PPM1L: variants seen among roughly 807,000 people sequenced by gnomAD.
PPM1L encodes the protein protein phosphatase, Mg2+/Mn2+ dependent 1L.
In PPM1L, 13 loss-of-function variants were observed where a neutral mutation model predicts 31.4. The observed-to-expected ratio is 0.41, with a 90% confidence interval of 0.27 to 0.66. PPM1L has a LOEUF of 0.66. Ranked by LOEUF, PPM1L falls within the 30% of genes least tolerant of loss-of-function variation. PPM1L has a pLI of 0.29. For missense variants in PPM1L, 326 were observed against 453.7 expected (o/e 0.72, Z 2.56); for synonymous variants, 184 against 175.4 (o/e 1.05, Z -0.39).
In PPM1L at chr3:161,072,088, C is replaced by T. The variant is rs181920684; in HGVS notation, c.*2931C>T. 2 of 152,180 alleles carry T rather than the reference C, an allele frequency of 1.3e-5. No homozygotes were observed. Among genetic ancestry groups the T allele is most frequent in the Admixed American group, 1.3e-4 (2 of 15,278 alleles). The allele number at this position is 152,180 out of a possible 1,614,324, so 9.4% of individuals were successfully genotyped here. On this transcript the variant is annotated 3_prime_UTR_variant, in exon 4 of 4. Transcript: ENST00000498165. ...ATTAATGCAGTGCTCTGCTGCTGCT[C>T]CACTGGCAATTTGTACTCTTAACAT...
At chr3:160,934,335 A>G (rs936457051) in intron 1 of PPM1L, among the ~76,000 whole-genome samples, 2 of 152,270 alleles carry the variant, frequency 1.3e-5, no homozygotes, top group Admixed American at 1.3e-4. Context: ...TTAAGAGAAG[A>G]TTACACATTC....
chr3:160,830,945 A>G (rs1368717403), intron 1 of PPM1L, among the ~76,000 whole-genome samples: 2 of 152,198 alleles, frequency 1.3e-5, no homozygotes, highest in Non-Finnish European at 2.9e-5. Context: ...ACATTTTCTG[A>G]ATTCCATGCC....
At chr3:160,806,924 G>GAGAAGGAAAGAAAT (rs1712619322) in intron 1 of PPM1L, among the ~76,000 whole-genome samples, 1 of 127,106 alleles carries the variant, frequency 7.9e-6, no homozygotes, top group Non-Finnish European at 1.6e-5. Context: ...AGGAAAGAAA[G>GAGAAGGAAAGAAAT]AGAGGGAAAG....
intron 1 of PPM1L, among the ~76,000 whole-genome samples, chr3:160,780,139 C>T (rs6763629): frequency 1.4e-4 from 22 of 152,130 alleles, no homozygotes; most frequent in African/African-American, 5.1e-4. Context: ...CCTCCCACCT[C>T]AGCTTCCTGA....
intron 1 of PPM1L, among the ~76,000 whole-genome samples, chr3:160,841,407 T>G (rs1336376709): frequency 1.3e-5 from 2 of 151,796 alleles, no homozygotes; most frequent in Non-Finnish European, 2.9e-5. Flanking sequence ...TCATGTTACT[T>G]TCTTTGTTTC....
chr3:160,895,254 C>A (rs1006686971), intron 1 of PPM1L, among the ~76,000 whole-genome samples: 1 of 152,054 alleles, frequency 6.6e-6, no homozygotes, highest in Non-Finnish European at 1.5e-5. Flanking sequence ...ATTCTGTTAC[C>A]CAGGCTGGGG....
In PPM1L at chr3:160,905,329, A is replaced by G. The variant is rs535631428; in HGVS notation, c.400-56407A>G. Among the ~76,000 whole-genome samples, 3 of 152,352 alleles carry G rather than the reference A, an allele frequency of 2.0e-5. No individual in the cohort carries two copies. In the South Asian group the frequency reaches 6.2e-4, roughly 32 times the overall value. On this transcript the variant is annotated intron_variant, in intron 1 of 3. Coordinates refer to ENST00000498165, the MANE Select transcript of PPM1L (RefSeq NM_139245.4). ...GCCAATGGTAATTCTTAATCTCATTATACTCTAACCTGAATTTGTTCATCT... is the reference window on the plus strand; with the variant it reads ...GCCAATGGTAATTCTTAATCTCATTGTACTCTAACCTGAATTTGTTCATCT...
chr3:160,950,896 G>A (rs184910427), intron 1 of PPM1L, among the ~76,000 whole-genome samples: 358 of 152,322 alleles, frequency 2.4e-3, no homozygotes, highest in African/African-American at 8.4e-3. Context: ...CATTTGGATA[G>A]CACTAATGGA....
At position 161,071,294 on chromosome 3, in the gene PPM1L, G is replaced by A. The variant is rs1283227268; in HGVS notation, c.*2137G>A. 6.6e-6 allele frequency: 1 copy of A among 152,114 alleles called. No homozygotes were observed. The highest frequency in any genetic ancestry group is 1.5e-5 in the Non-Finnish European group (1 of 68,020). 9.4% of individuals were successfully genotyped at this position (152,114 alleles called of 1,614,324 possible). A position where few individuals can be genotyped will look rare whatever the true frequency, so the allele number is the denominator to read the frequency against. Reference sequence around the variant, plus strand: ...ATAGCCAACTTTCTTTATTTTTAACGTAGCACAAAAATGTATAATAGCAAG... The same window carrying A: ...ATAGCCAACTTTCTTTATTTTTAACATAGCACAAAAATGTATAATAGCAAG... On this transcript the variant is annotated 3_prime_UTR_variant, in exon 4 of 4. Transcript: ENST00000498165.
intron 1 of PPM1L, among the ~76,000 whole-genome samples, chr3:160,877,334 C>T (rs976800250): frequency 6.6e-6 from 1 of 152,162 alleles, no homozygotes; most frequent in African/African-American, 2.4e-5. Context: ...AAGTTTTTCA[C>T]ATCTCCAATT....
At chr3:160,779,469 G>A (rs1474016966) in intron 1 of PPM1L, among the ~76,000 whole-genome samples, 1 of 152,082 alleles carries the variant, frequency 6.6e-6, no homozygotes, top group Non-Finnish European at 1.5e-5. Context: ...GAGTGCAGTG[G>A]TTAATGATGT....
At chr3:160,820,764 GT>G (rs1413522859) in intron 1 of PPM1L, among the ~76,000 whole-genome samples, 3 of 151,948 alleles carry the variant, frequency 2.0e-5, no homozygotes, top group Non-Finnish European at 4.4e-5. Context: ...ACCATCATCT[GT>G]TTATCTCTTT....
At chr3:160,922,880 A>G (rs1483356739) in intron 1 of PPM1L, among the ~76,000 whole-genome samples, 1 of 152,238 alleles carries the variant, frequency 6.6e-6, no homozygotes, top group East Asian at 1.9e-4. Context: ...CATAAAGGGT[A>G]TGATAAAGTG....
chr3:160,991,994 C>G (rs999968121), intron 2 of PPM1L, among the ~76,000 whole-genome samples: 1 of 152,116 alleles, frequency 6.6e-6, no homozygotes, highest in Non-Finnish European at 1.5e-5. Flanking sequence ...CTCAACAACC[C>G]TAAGATGTAA....
intron 1 of PPM1L, among the ~76,000 whole-genome samples, chr3:160,803,358 A>G (rs1013359809): frequency 2.0e-5 from 3 of 152,184 alleles, no homozygotes; most frequent in African/African-American, 7.2e-5. Flanking sequence ...AAGAAATGTC[A>G]TATTTTAGAG....
At chr3:160,906,640 C>T (rs1470606859) in intron 1 of PPM1L, among the ~76,000 whole-genome samples, 1 of 129,536 alleles carries the variant, frequency 7.7e-6, no homozygotes, top group African/African-American at 3.7e-5. Context: ...AGAACCCAGG[C>T]ACAATTTACC....
chr3:160,831,700 C>T (rs548573332), intron 1 of PPM1L, among the ~76,000 whole-genome samples: 1 of 152,274 alleles, frequency 6.6e-6, no homozygotes, highest in South Asian at 2.1e-4. Context: ...GTGAGGAGTT[C>T]AGGATTTGTG....
At chr3:160,931,018 G>T (rs902789139) in intron 1 of PPM1L, among the ~76,000 whole-genome samples, 5 of 152,078 alleles carry the variant, frequency 3.3e-5, no homozygotes, top group African/African-American at 1.2e-4. Flanking sequence ...TAAGACAGGG[G>T]ACAAAAAAAG....
At chr3:161,006,661 A>G (rs1453098475) in intron 2 of PPM1L, among the ~76,000 whole-genome samples, 1 of 150,784 alleles carries the variant, frequency 6.6e-6, no homozygotes, top group Non-Finnish European at 1.5e-5. Context: ...CAAACACTTC[A>G]GAAAACCCAC....
Sources: gnomAD v4.1 joint callset for allele counts (sites outside exome capture counted in the v4.1 genomes callset) on GRCh38, gnomAD v4.1.1 for gene constraint, MANE v1.5 for transcripts, NCBI Gene and HGNC (gene_info 2026-07-23, HGNC 2026-07-21) for gene names.